Variants in NBPF15 observed in about 807,000 individuals in gnomAD.
The protein encoded by NBPF15 is NBPF member 15.
Under a neutral mutation model 62.2 loss-of-function variants are expected in NBPF15, and 74 were observed. That is an observed-to-expected ratio of 1.19 (90% CI 0.99 to 1.44). The LOEUF (loss-of-function observed/expected upper bound fraction) is 1.44. NBPF15 is among the 40% of genes most tolerant of loss of function. NBPF15 has a pLI of 0.00. For missense variants in NBPF15, 790 were observed against 550.0 expected (o/e 1.44, Z -4.36); for synonymous variants, 244 against 209.7 (o/e 1.16, Z -1.41).
intron 15 of NBPF15, among the ~76,000 whole-genome samples, chr1:144,428,200 C>CACACACACACAT (rs1671314672): frequency 6.6e-6 from 1 of 151,438 alleles, no homozygotes; most frequent in African/African-American, 2.4e-5. Context: ...CACACACACA[C>CACACACACACAT]ACACACACAC....
In NBPF15 at chr1:144,440,162, T is replaced by G; in HGVS notation, c.-57A>C. ...TTACTGTTGTCAAAAATGTGATCACTCCCCACAGCACTTTAGGATCCTTCA... is the reference window on the plus strand; with the variant it reads ...TTACTGTTGTCAAAAATGTGATCACGCCCCACAGCACTTTAGGATCCTTCA... On this transcript the variant is annotated 5_prime_UTR_variant, in exon 7 of 22. Coordinates refer to ENST00000581897, the MANE Select transcript of NBPF15 (RefSeq NM_001385408.1). 2 of 1,565,460 alleles carry G rather than the reference T, an allele frequency of 1.3e-6. No homozygotes were observed. Among genetic ancestry groups the G allele is most frequent in the East Asian group, 2.2e-5 (1 of 44,528 alleles).
intron 13 of NBPF15, among the ~76,000 whole-genome samples, chr1:144,432,451 C>G (rs1293388464): frequency 6.6e-6 from 1 of 152,000 alleles, no homozygotes. Flanking sequence ...CAAATTCACA[C>G]ATAACAATAT....
intron 20 of NBPF15, among the ~76,000 whole-genome samples, chr1:144,424,241 T>TA (rs1667943453): frequency 1.3e-5 from 2 of 151,946 alleles, no homozygotes; most frequent in Non-Finnish European, 1.5e-5. Context: ...AGTTATGCCA[T>TA]ATTTTTCCAA....
intron 6 of NBPF15, among the ~76,000 whole-genome samples, chr1:144,448,014 C>T (rs1470866668): frequency 2.0e-5 from 3 of 152,052 alleles, no homozygotes; most frequent in Non-Finnish European, 4.4e-5. Context: ...AGCCCACAAG[C>T]CTTAGCCATG....
chr1:144,429,347 G>A (rs1176348758), intron 14 of NBPF15, among the ~76,000 whole-genome samples: 2 of 150,920 alleles, frequency 1.3e-5, no homozygotes, highest in Admixed American at 6.6e-5. Context: ...AAGGAATTTT[G>A]TAGCTGGCAA....
chr1:144,455,622 G>A (rs1358975158), intron 4 of NBPF15, among the ~76,000 whole-genome samples: 1 of 152,054 alleles, frequency 6.6e-6, no homozygotes, highest in Non-Finnish European at 1.5e-5. Context: ...CTTCCCAGCT[G>A]CAGGTGGGGG....
chr1:144,442,219 A>ACGTG (rs1683870846), intron 6 of NBPF15, among the ~76,000 whole-genome samples: 2,411 of 105,546 alleles, frequency 0.023, 327 homozygotes, highest in African/African-American at 0.1. Flanking sequence ...AATATATATA[A>ACGTG]TATATATATT....
At chr1:144,427,450 A>G (rs1158639813) in intron 16 of NBPF15, among the ~76,000 whole-genome samples, 1 of 149,624 alleles carries the variant, frequency 6.7e-6, no homozygotes, top group Non-Finnish European at 1.5e-5. Context: ...TCAAATACTC[A>G]GATTGTTCAT....
intron 16 of NBPF15, among the ~76,000 whole-genome samples, chr1:144,427,608 G>A (rs1483065418): frequency 2.1e-5 from 3 of 145,726 alleles, no homozygotes; most frequent in Non-Finnish European, 4.4e-5. Flanking sequence ...CACAGGCATG[G>A]CCTGAGACTA....
chr1:144,445,532 G>A (rs1192127078), intron 6 of NBPF15, among the ~76,000 whole-genome samples: 1 of 148,174 alleles, frequency 6.7e-6, no homozygotes, highest in Non-Finnish European at 1.5e-5. Flanking sequence ...CATAGCTGTA[G>A]AGTAATTCTG....
rs1314541537 is a variant in NBPF15 at position 144,456,572 on chromosome 1, C to G, written c.-467G>C. The G allele has an allele frequency of 1.3e-6, 2 of 1,502,020 alleles. 1 individual carries two copies. Among genetic ancestry groups the G allele is most frequent in the Non-Finnish European group, 1.8e-6 (2 of 1,117,032 alleles). 93.0% of individuals were successfully genotyped at this position (1,502,020 alleles called of 1,614,324 possible). On this transcript the variant is annotated 5_prime_UTR_variant, in exon 4 of 22. Transcript: ENST00000581897. ...TGGCAGCTCTTCATTCAGCCCACAC[C>G]GTGTGAGGTTGCTCTTGGTGCACCG...
chr1:144,449,443 TC>T (rs1414803970), intron 5 of NBPF15, among the ~76,000 whole-genome samples: 1 of 149,082 alleles, frequency 6.7e-6, no homozygotes, highest in African/African-American at 2.5e-5. Flanking sequence ...CATTCAAATA[TC>T]TATCAATACA....
chr1:144,442,804 G>A, intron 6 of NBPF15: 2 of 210,516 alleles, frequency 9.5e-6, no homozygotes, highest in Non-Finnish European at 2.1e-5. Flanking sequence ...ATATACTGTG[G>A]TCCTGGACTC....
intron 3 of NBPF15, among the ~76,000 whole-genome samples, chr1:144,457,311 C>T (rs1553547242): frequency 6.6e-6 from 1 of 151,924 alleles, no homozygotes; most frequent in African/African-American, 2.4e-5. Flanking sequence ...GGAATCTCAT[C>T]TACTGGTCTA....
At chr1:144,447,227 ACACG>A (rs1688222359) in intron 6 of NBPF15, among the ~76,000 whole-genome samples, 1 of 152,260 alleles carries the variant, frequency 6.6e-6, no homozygotes, top group Non-Finnish European at 1.5e-5. Context: ...CAGGACCTTT[ACACG>A]CACGCCGCTG....
chr1:144,456,198 G>T (rs1553546924), intron 4 of NBPF15, among the ~76,000 whole-genome samples: 1 of 149,822 alleles, frequency 6.7e-6, no homozygotes, highest in African/African-American at 2.5e-5. Flanking sequence ...GGACGGCAGG[G>T]TGGAAACAAG....
intron 6 of NBPF15, among the ~76,000 whole-genome samples, chr1:144,444,925 G>T (rs1553543603): frequency 6.6e-6 from 1 of 151,886 alleles, no homozygotes; most frequent in Admixed American, 6.6e-5. Flanking sequence ...TTTGTGTTAT[G>T]TTTAACCTTT....
intron 13 of NBPF15, among the ~76,000 whole-genome samples, chr1:144,430,473 G>A (rs1218301244): frequency 2.0e-5 from 3 of 146,882 alleles, no homozygotes; most frequent in Non-Finnish European, 3.0e-5. Flanking sequence ...CAGACCTGAA[G>A]CTGAGGGACC....
chr1:144,450,540 A>T (rs1553545227), intron 5 of NBPF15, among the ~76,000 whole-genome samples: 4 of 150,254 alleles, frequency 2.7e-5, no homozygotes, highest in Non-Finnish European at 5.9e-5. Context: ...CCATTCCCGG[A>T]TTTTAGCCTC....
Sources: allele counts gnomAD v4.1 joint callset (sites outside exome capture counted in the v4.1 genomes callset), GRCh38; gene constraint gnomAD v4.1.1; transcripts MANE v1.5; gene names NCBI Gene and HGNC (gene_info 2026-07-23, HGNC 2026-07-21).